Variants in GPNMB observed in about 807,000 individuals in gnomAD.
GPNMB encodes transmembrane glycoprotein NMB.
In GPNMB, 71 loss-of-function variants were observed where a neutral mutation model predicts 57.3. The ratio of observed to expected loss-of-function variants is 1.24; its 90% CI spans 1.02 to 1.51. The LOEUF is 1.51. Among genes scored for constraint, GPNMB ranks in the 40% most tolerant of loss-of-function variants. The pLI is 0.00. For synonymous variants in GPNMB, 253 were observed against 263.2 expected, an observed-to-expected ratio of 0.96 and a Z score of 0.38; for missense variants, 677 against 691.9, an observed-to-expected ratio of 0.98 and a Z score of 0.24.
chr7:23,273,203 G>T lies in GPNMB; in HGVS notation c.1430-318G>T, dbSNP rs183546760. 2.3e-4 allele frequency: 54 copies of T among 238,114 alleles called. No individual in the cohort carries two copies. The East Asian group carries it at 5.2e-3, about 23-fold the overall frequency. The allele number at this position is 238,114 out of a possible 1,614,324, so 14.8% of individuals were successfully genotyped here. A position where few individuals can be genotyped will look rare whatever the true frequency, so the allele number is the denominator to read the frequency against. ...TAAGTAGAGAGAGAGGAAGCTGGAG[G>T]CACGGCCGCCTGATCACAGGAGCCC... On this transcript the variant is annotated intron_variant, in intron 9 of 10. Transcript: ENST00000258733.
intron 8 of GPNMB, among the ~76,000 whole-genome samples, chr7:23,268,549 A>G (rs1783124421): frequency 1.3e-5 from 2 of 152,382 alleles, no homozygotes; most frequent in South Asian, 4.1e-4. Flanking sequence ...TATGTAATAA[A>G]CTAAATATAA....
At chr7:23,255,776 C>T (rs1782762248) in intron 3 of GPNMB, among the ~76,000 whole-genome samples, 1 of 152,118 alleles carries the variant, frequency 6.6e-6, no homozygotes, top group Admixed American at 6.5e-5. Context: ...TAATCATACA[C>T]ATTTCTGGGC....
chr7:23,274,387 G>C lies in GPNMB; in HGVS notation c.*163G>C. On this transcript the variant is annotated 3_prime_UTR_variant, in exon 11 of 11. Coordinates refer to ENST00000258733, the MANE Select transcript of GPNMB (RefSeq NM_002510.3). ...AAATGTCATTTTAGAGATGGGGAGA[G>C]GGATTATACTGCAGGCAGCTTCAGC... 1 of 566,230 alleles carries C rather than the reference G, an allele frequency of 1.8e-6. No homozygotes were observed. The highest frequency in any genetic ancestry group is 2.4e-5 in the South Asian group (1 of 42,092). The allele number at this position is 566,230 out of a possible 1,614,324, so 35.1% of individuals were successfully genotyped here. A position where few individuals can be genotyped will look rare whatever the true frequency, so the allele number is the denominator to read the frequency against.
intron 3 of GPNMB, 83 bp from the exon 4 acceptor site, chr7:23,256,809 A>G (rs1237098008): frequency 8.8e-7 from 1 of 1,134,676 alleles, no homozygotes; most frequent in Admixed American, 2.2e-5. Context: ...AAAAATACGA[A>G]AAAGTGTTTA....
chr7:23,261,516 C>A (rs1782922312), intron 6 of GPNMB, among the ~76,000 whole-genome samples: 1 of 152,086 alleles, frequency 6.6e-6, no homozygotes, highest in Non-Finnish European at 1.5e-5. Context: ...TCATTCTGAG[C>A]AAACTATCAC....
chr7:23,262,348 T>C (rs902541911), intron 6 of GPNMB, among the ~76,000 whole-genome samples: 1 of 152,132 alleles, frequency 6.6e-6, no homozygotes, highest in Non-Finnish European at 1.5e-5. Flanking sequence ...TGTTAATAAT[T>C]GGGAGGATTT....
At chr7:23,268,036 C>A in intron 8 of GPNMB, 48 bp downstream of exon 8, 1 of 1,154,546 alleles carries the variant, frequency 8.7e-7, no homozygotes, top group Non-Finnish European at 1.3e-6. Context: ...AACTGAGGAC[C>A]TCAAGTCTGA....
At chr7:23,271,578 T>C (rs899983176) in intron 9 of GPNMB, among the ~76,000 whole-genome samples, 1 of 152,168 alleles carries the variant, frequency 6.6e-6, no homozygotes, top group Non-Finnish European at 1.5e-5. Flanking sequence ...GGCAGATCAC[T>C]TGAGATCAGG....
At chr7:23,265,693 G>A (rs1783040712) in intron 6 of GPNMB, among the ~76,000 whole-genome samples, 1 of 151,972 alleles carries the variant, frequency 6.6e-6, no homozygotes, top group South Asian at 2.1e-4. Flanking sequence ...GCAGTGATGA[G>A]CAGCAGGTTT....
intron 10 of GPNMB, chr7:23,273,844 C>T: frequency 1.7e-6 from 1 of 581,360 alleles, no homozygotes; most frequent in Non-Finnish European, 3.0e-6. Flanking sequence ...ATTATGTCAA[C>T]TTAATTTTAA....
chr7:23,266,642 G>A, intron 7 of GPNMB, 27 bp downstream of exon 7: 1 of 1,609,196 alleles, frequency 6.2e-7, no homozygotes, highest in African/African-American at 1.3e-5. Flanking sequence ...TGACCAGTGA[G>A]GAAGGATGCT....
intron 3 of GPNMB, among the ~76,000 whole-genome samples, chr7:23,255,140 T>C (rs944154045): frequency 6.6e-6 from 1 of 152,148 alleles, no homozygotes; most frequent in African/African-American, 2.4e-5. Context: ...TGCCTCAGCC[T>C]CCCAAGTAGC....
At chr7:23,271,260 C>T (rs928736408) in intron 9 of GPNMB, among the ~76,000 whole-genome samples, 6 of 152,200 alleles carry the variant, frequency 3.9e-5, no homozygotes, top group African/African-American at 7.2e-5. Context: ...TTGCTGCTCA[C>T]CTCCTGCTGT....
At chr7:23,273,237 G>A in intron 9 of GPNMB, 2 of 308,890 alleles carry the variant, frequency 6.5e-6, no homozygotes, top group Non-Finnish European at 1.2e-5. Context: ...CCTTCCACAC[G>A]GTGGCGCTGC....
chr7:23,260,243 T>C (rs1782884061), intron 5 of GPNMB, 105 bp downstream of exon 5: 1 of 1,210,482 alleles, frequency 8.3e-7, no homozygotes, highest in Admixed American at 1.9e-5. Context: ...TTACAATGCA[T>C]CTGGCCCACC....
intron 1 of GPNMB, among the ~76,000 whole-genome samples, chr7:23,249,142 G>A (rs1782605146): frequency 1.3e-5 from 2 of 152,086 alleles, no homozygotes; most frequent in South Asian, 2.1e-4. Context: ...GGCTGGTCTG[G>A]AACTCCTGGG....
At position 23,268,000 on chromosome 7, in the gene GPNMB, A is replaced by T. The variant is rs369336246; in HGVS notation, c.1220+12A>T. 1.2e-5 allele frequency: 18 copies of T among 1,532,036 alleles called. No individual in the cohort carries two copies. The highest frequency in any genetic ancestry group is 1.5e-5 in the Non-Finnish European group (17 of 1,123,766). The allele number at this position is 1,532,036 out of a possible 1,614,324, so 94.9% of individuals were successfully genotyped here. ...ACCTGCCAAGGGAGGTGAGTATATTATCTCCGACAGAGGCATGGGTGGGTC... is the reference window on the plus strand; with the variant it reads ...ACCTGCCAAGGGAGGTGAGTATATTTTCTCCGACAGAGGCATGGGTGGGTC... On this transcript the variant is annotated intron_variant, in intron 8 of 10. Transcript: ENST00000258733.
At chr7:23,267,414 T>C (rs1562642174) in intron 7 of GPNMB, among the ~76,000 whole-genome samples, 1 of 152,204 alleles carries the variant, frequency 6.6e-6, no homozygotes, top group Admixed American at 6.5e-5. Flanking sequence ...CTTTTTTAAT[T>C]TTTTTCACTT....
chr7:23,264,462 T>G (rs1187420589), intron 6 of GPNMB, among the ~76,000 whole-genome samples: 1 of 152,176 alleles, frequency 6.6e-6, no homozygotes, highest in Non-Finnish European at 1.5e-5. Context: ...AACCTCTGCC[T>G]TCTGGGTTCA....
Sources: allele counts gnomAD v4.1 joint callset (sites outside exome capture counted in the v4.1 genomes callset), GRCh38; gene constraint gnomAD v4.1.1; transcripts MANE v1.5; gene names NCBI Gene and HGNC (gene_info 2026-07-23, HGNC 2026-07-21).